FER: variants seen among roughly 807,000 people sequenced by gnomAD.
FER encodes tyrosine-protein kinase Fer.
A neutral mutation model predicts 111.0 loss-of-function variants in FER; 63 were observed. That is an observed-to-expected ratio of 0.57 (90% CI 0.46 to 0.70). The LOEUF is 0.70. FER is among the 30% of genes least tolerant of loss of function. The pLI is 0.00. For missense variants in FER, 914 were observed against 954.0 expected (o/e 0.96, Z 0.55); for synonymous variants, 327 against 313.9 (o/e 1.04, Z -0.44).
chr5:108,930,930 T>C (rs1754580644), intron 10 of FER, among the ~76,000 whole-genome samples: 1 of 152,062 alleles, frequency 6.6e-6, no homozygotes, highest in Non-Finnish European at 1.5e-5. Context: ...ATTAGTTCTA[T>C]GAATAATTTT....
At chr5:108,941,116 A>C (rs1195521786) in intron 10 of FER, among the ~76,000 whole-genome samples, 1 of 152,090 alleles carries the variant, frequency 6.6e-6, no homozygotes, top group African/African-American at 2.4e-5. Context: ...ATCAGCTTTG[A>C]AGCTGAGGGA....
At chr5:109,170,603 A>G (rs764334724) in intron 17 of FER, among the ~76,000 whole-genome samples, 5 of 152,184 alleles carry the variant, frequency 3.3e-5, no homozygotes, top group Non-Finnish European at 7.4e-5. Flanking sequence ...AGTTCCTAGC[A>G]TTGTGCCTGA....
chr5:109,117,256 C>T (rs2126461672), intron 17 of FER, among the ~76,000 whole-genome samples: 1 of 152,126 alleles, frequency 6.6e-6, no homozygotes, highest in East Asian at 1.9e-4. Context: ...TTTCTCTGTA[C>T]ATTGGATGAA....
intron 17 of FER, among the ~76,000 whole-genome samples, chr5:109,109,680 G>A (rs1157659328): frequency 2.0e-5 from 3 of 152,148 alleles, no homozygotes; most frequent in South Asian, 4.1e-4. Flanking sequence ...AACCACACAC[G>A]CCCATACCAT....
chr5:109,102,691 C>G (rs1476828062), intron 17 of FER, among the ~76,000 whole-genome samples: 3 of 151,804 alleles, frequency 2.0e-5, no homozygotes, highest in Admixed American at 6.6e-5. Flanking sequence ...TTCTTATTTC[C>G]TTTGTTAATC....
chr5:108,862,568 T>G (rs1763632123), intron 5 of FER, among the ~76,000 whole-genome samples: 1 of 152,162 alleles, frequency 6.6e-6, no homozygotes, highest in African/African-American at 2.4e-5. Flanking sequence ...AATTTTTAAA[T>G]AAGAGGCAAA....
intron 14 of FER, among the ~76,000 whole-genome samples, chr5:109,037,939 G>A (rs1049967089): frequency 6.6e-6 from 1 of 151,738 alleles, no homozygotes; most frequent in Admixed American, 6.6e-5. Context: ...TAACAACACT[G>A]GGCATATTTC....
intron 6 of FER, among the ~76,000 whole-genome samples, chr5:108,870,857 G>A (rs1764533192): frequency 2.0e-5 from 3 of 152,014 alleles, no homozygotes; most frequent in South Asian, 2.1e-4. Flanking sequence ...CTGATTGGAG[G>A]TCAAGAGAAG....
At chr5:109,147,695 A>G (rs1754370502) in intron 17 of FER, among the ~76,000 whole-genome samples, 1 of 151,672 alleles carries the variant, frequency 6.6e-6, no homozygotes, top group South Asian at 2.1e-4. Flanking sequence ...GTTAGAATCT[A>G]TGATGTAACT....
At chr5:108,758,015 T>C (rs1397423197) in intron 1 of FER, among the ~76,000 whole-genome samples, 1 of 152,150 alleles carries the variant, frequency 6.6e-6, no homozygotes, top group Admixed American at 6.5e-5. Flanking sequence ...ACTAATATCA[T>C]GGATTTTGAA....
intron 17 of FER, among the ~76,000 whole-genome samples, chr5:109,103,913 A>G (rs887949780): frequency 1.3e-5 from 2 of 152,214 alleles, no homozygotes; most frequent in Non-Finnish European, 1.5e-5. Flanking sequence ...GTTTATTTCT[A>G]AAAGTTGGCT....
intron 17 of FER, among the ~76,000 whole-genome samples, chr5:109,134,812 T>A (rs1430592473): frequency 6.6e-6 from 1 of 152,202 alleles, no homozygotes; most frequent in African/African-American, 2.4e-5. Flanking sequence ...GAAACATGAT[T>A]AATACATAGG....
chr5:109,123,929 A>G (rs1428340172), intron 17 of FER, among the ~76,000 whole-genome samples: 1 of 152,170 alleles, frequency 6.6e-6, no homozygotes, highest in Non-Finnish European at 1.5e-5. Context: ...TACATAGATA[A>G]TGCAAGAAAT....
chr5:109,086,083 C>T (rs987044671), intron 16 of FER, among the ~76,000 whole-genome samples: 7 of 151,638 alleles, frequency 4.6e-5, no homozygotes, highest in African/African-American at 1.4e-4. Context: ...TTCTCCTTTT[C>T]TAAGAAAATT....
intron 10 of FER, among the ~76,000 whole-genome samples, chr5:108,922,230 G>C (rs1050037098): frequency 2.0e-5 from 3 of 152,334 alleles, no homozygotes; most frequent in African/African-American, 7.2e-5. Context: ...AACTGTAGGA[G>C]AGTAAGTTTC....
chr5:109,016,019 G>T (rs552060779), intron 13 of FER, among the ~76,000 whole-genome samples: 4 of 152,058 alleles, frequency 2.6e-5, no homozygotes, highest in Admixed American at 2.6e-4. Flanking sequence ...GTCACATTTA[G>T]TTTAAGGGTT....
At chr5:109,124,480 C>T (rs1375480914) in intron 17 of FER, among the ~76,000 whole-genome samples, 1 of 152,180 alleles carries the variant, frequency 6.6e-6, no homozygotes, top group Non-Finnish European at 1.5e-5. Flanking sequence ...GTGGAGCCTC[C>T]TCTCTTCCTC....
At chr5:109,015,567 G>T (rs1766973176) in intron 13 of FER, among the ~76,000 whole-genome samples, 1 of 151,946 alleles carries the variant, frequency 6.6e-6, no homozygotes, top group African/African-American at 2.4e-5. Flanking sequence ...AGTGGAGACT[G>T]ACAGGTAAAT....
At chr5:108,927,016 C>CTT (rs1359132406) in intron 10 of FER, among the ~76,000 whole-genome samples, 2 of 152,052 alleles carry the variant, frequency 1.3e-5, no homozygotes, top group Non-Finnish European at 2.9e-5. Flanking sequence ...CCTCAAGCTG[C>CTT]TTTTCTGGGT....
Sources: gnomAD v4.1 joint callset for allele counts (sites outside exome capture counted in the v4.1 genomes callset) on GRCh38, gnomAD v4.1.1 for gene constraint, MANE v1.5 for transcripts, NCBI Gene and HGNC (gene_info 2026-07-23, HGNC 2026-07-21) for gene names.